Variants in MGST1 observed in about 807,000 individuals in gnomAD.
The protein encoded by MGST1 is microsomal glutathione S-transferase 1, also known as glutathione S-transferase 12.
A neutral mutation model predicts 8.9 loss-of-function variants in MGST1; 5 were observed. The ratio of observed to expected loss-of-function variants is 0.56; its 90% CI spans 0.29 to 1.19. MGST1 has a LOEUF of 1.19. Ranked by LOEUF, MGST1 falls within the 50% of genes most tolerant of loss-of-function variation. MGST1 has a pLI of 0.08. For synonymous variants in MGST1, 54 were observed against 67.8 expected (o/e 0.80, Z 1.00); for missense variants, 182 against 187.4 (o/e 0.97, Z 0.17).
chr12:16,562,098 G>A (rs563379797), intron 4 of MGST1, among the ~76,000 whole-genome samples: 1 of 152,168 alleles, frequency 6.6e-6, no homozygotes, highest in African/African-American at 2.4e-5. Context: ...GAACTTGCTC[G>A]AAAATGTAAT....
At chr12:16,394,188 T>C (rs116082253) in intron 1 of MGST1, among the ~76,000 whole-genome samples, 2,604 of 152,322 alleles carry the variant, frequency 0.017, 82 homozygotes, top group African/African-American at 0.059. Flanking sequence ...CTGTTAGAAC[T>C]TTTCATATTT....
intron 4 of MGST1, chr12:16,549,321 A>G (rs1011917112): frequency 2.6e-5 from 4 of 152,202 alleles, no homozygotes; most frequent in Non-Finnish European, 5.9e-5. Context: ...TTTCTTTAGT[A>G]TATCTCAAAT....
intron 1 of MGST1, chr12:16,353,286 G>C (rs1453490763): frequency 6.6e-6 from 1 of 152,336 alleles, no homozygotes; most frequent in East Asian, 1.9e-4. Flanking sequence ...ACCCGCCTCG[G>C]CCTCCCAAAG....
In MGST1 at chr12:16,555,495, A is replaced by G. The variant is rs4763448; in HGVS notation, n.483-34033A>G. 2.9e-4 allele frequency among the ~76,000 whole-genome samples: 44 copies of G among 152,196 alleles called. No individual in the cohort carries two copies. The highest frequency in any genetic ancestry group is 5.0e-4 in the Non-Finnish European group (34 of 68,034). On this transcript the variant is annotated intron_variant and non_coding_transcript_variant, in intron 4 of 4. Transcript: ENST00000538857. This position sits in a 1 kb window ranked among gnomAD's most constrained non-coding sequence, Gnocchi z 5.5. ...ACCATCATAAACTGTACTACCACTT[A>G]AGGTGTGTGGTCAATAAAAATTGGT... is the stretch of plus-strand genomic sequence containing the variant.
At chr12:16,487,599 T>C (rs1448777306) in intron 4 of MGST1, among the ~76,000 whole-genome samples, 3 of 152,178 alleles carry the variant, frequency 2.0e-5, no homozygotes. Flanking sequence ...AATATGTTAA[T>C]ACTAGGAACA....
chr12:16,367,254 TGA>T (rs1304042272), downstream of MGST1: 1 of 152,152 alleles, frequency 6.6e-6, no homozygotes, highest in East Asian at 1.9e-4. Context: ...TAAACAAGGC[TGA>T]GAGATCCTTG....
At chr12:16,531,119 A>G (rs1019094401) in intron 4 of MGST1, among the ~76,000 whole-genome samples, 1 of 146,968 alleles carries the variant, frequency 6.8e-6, no homozygotes, top group African/African-American at 2.5e-5. Flanking sequence ...TCATCACTGA[A>G]TAGAAGCAAA....
At chr12:16,494,186 A>G (rs1941456301) in intron 4 of MGST1, among the ~76,000 whole-genome samples, 1 of 152,172 alleles carries the variant, frequency 6.6e-6, no homozygotes. Flanking sequence ...CAAAAAAATT[A>G]AATAAAACAA....
intron 4 of MGST1, among the ~76,000 whole-genome samples, chr12:16,558,512 G>C (rs959362775): frequency 2.6e-5 from 4 of 152,052 alleles, no homozygotes; most frequent in Admixed American, 1.3e-4. Flanking sequence ...AAAGGTGTCT[G>C]TATGGATGTG....
At chr12:16,567,230 A>G (rs1306099388) in intron 4 of MGST1, among the ~76,000 whole-genome samples, 1 of 151,950 alleles carries the variant, frequency 6.6e-6, no homozygotes, top group Non-Finnish European at 1.5e-5. Context: ...ACAAACAAAA[A>G]ACTACAACTT....
rs1941764648 is a variant in MGST1 at position 16,537,806 on chromosome 12, C to G, written n.483-51722C>G. On this transcript the variant is annotated intron_variant and non_coding_transcript_variant, in intron 4 of 4. Transcript: ENST00000538857. This position sits in a 1 kb window ranked among gnomAD's most constrained non-coding sequence, Gnocchi z 4.6. ...CTAGGCTGCACACAGCATGGGGATC[C>G]TGGGCCCAGCCCAGGAAACCATTTT... Among the ~76,000 whole-genome samples the G allele has an allele frequency of 6.6e-6, 1 of 152,164 alleles. No homozygotes were observed. Among genetic ancestry groups the G allele is most frequent in the Non-Finnish European group, 1.5e-5 (1 of 68,008 alleles).
At position 16,413,563 on chromosome 12, in the gene MGST1, C is replaced by G. The variant is rs1940760293; in HGVS notation, n.779-23825C>G. Reference sequence around the variant, plus strand: ...GGTAGATGGTGAAATACCCATCACACCTGATTCCCTTTTATCCCCTCCCCA... The same window carrying G: ...GGTAGATGGTGAAATACCCATCACAGCTGATTCCCTTTTATCCCCTCCCCA... On this transcript the variant is annotated intron_variant and non_coding_transcript_variant, in intron 1 of 1. Transcript: ENST00000359720. This position sits in a 1 kb window ranked among gnomAD's most constrained non-coding sequence, Gnocchi z 4.0. Among the ~76,000 whole-genome samples, 1 of 152,158 alleles carries G rather than the reference C, an allele frequency of 6.6e-6. No homozygotes were observed.
chr12:16,410,824 C>T lies in MGST1; in HGVS notation n.779-26564C>T, dbSNP rs940359137. Among the ~76,000 whole-genome samples, 18 of 151,840 alleles carry T rather than the reference C, an allele frequency of 1.2e-4. No individual in the cohort carries two copies. The highest frequency in any genetic ancestry group is 2.2e-4 in the Non-Finnish European group (15 of 67,952). ...AGCTTCTCATTATTCACAAGAATAA[C>T]GCCTACATATAACTATTTGGTTTGA... On this transcript the variant is annotated intron_variant and non_coding_transcript_variant, in intron 1 of 1. Coordinates refer to the MGST1 transcript ENST00000359720. The surrounding 1 kb of genome is among the most constrained non-coding windows in gnomAD (Gnocchi z 4.4).
intron 4 of MGST1, among the ~76,000 whole-genome samples, chr12:16,536,082 AGTGTGTGTGTGT>A (rs10579042): frequency 2.8e-4 from 40 of 145,438 alleles, no homozygotes; most frequent in African/African-American, 8.5e-4. Flanking sequence ...GGTGTGTGTG[AGTGTGTGTGTGT>A]GTGTGTGTGT....
intron 4 of MGST1, among the ~76,000 whole-genome samples, chr12:16,490,192 G>A (rs996295939): frequency 1.3e-5 from 2 of 152,166 alleles, no homozygotes; most frequent in African/African-American, 4.8e-5. Context: ...GAGTCCAGGA[G>A]GTTGAGGCTG....
chr12:16,397,502 G>A (rs1004639798), intron 1 of MGST1, among the ~76,000 whole-genome samples: 3 of 152,040 alleles, frequency 2.0e-5, no homozygotes, highest in African/African-American at 4.8e-5. Context: ...ACAGAGGGTG[G>A]GAGAAAACCT....
At chr12:16,524,364 T>C (rs2137193330) in intron 4 of MGST1, among the ~76,000 whole-genome samples, 1 of 152,240 alleles carries the variant, frequency 6.6e-6, no homozygotes. Flanking sequence ...CCAAACCTGT[T>C]TGTGAAAAGA....
In MGST1 at chr12:16,376,103, T is replaced by G. The variant is rs1213051793; in HGVS notation, c.222-19T>G. On this transcript the variant is annotated intron_variant, in intron 3 of 3. Transcript: ENST00000535309. ...TCTTTGAAGGATATTAAAAATCTTA[T>G]TTTTTTTTAATTGTTTAGAATCAAA... is the stretch of plus-strand genomic sequence containing the variant. 3 of 606,548 alleles carry G rather than the reference T, an allele frequency of 4.9e-6. No individual in the cohort carries two copies. The African/African-American group carries it at 9.8e-5, about 20-fold the overall frequency. The allele number at this position is 606,548 out of a possible 1,614,324, so 37.6% of individuals were successfully genotyped here.
intron 4 of MGST1, among the ~76,000 whole-genome samples, chr12:16,468,465 A>G (rs1471614375): frequency 1.3e-5 from 2 of 152,200 alleles, no homozygotes; most frequent in African/African-American, 4.8e-5. Flanking sequence ...CAATCTTCCT[A>G]TCAAGAAATG....
Sources: allele counts gnomAD v4.1 joint callset (sites outside exome capture counted in the v4.1 genomes callset), GRCh38; gene constraint gnomAD v4.1.1; non-coding constraint Gnocchi (gnomAD v3.1); transcripts MANE v1.5; gene names NCBI Gene and HGNC (gene_info 2026-07-23, HGNC 2026-07-21).